Variants in TENM3 observed in about 807,000 individuals in gnomAD.
TENM3 encodes teneurin-3.
In TENM3, 63 loss-of-function variants were observed where a neutral mutation model predicts 255.1. The ratio of observed to expected loss-of-function variants is 0.25; its 90% CI spans 0.20 to 0.30. TENM3 has a LOEUF of 0.30. TENM3 is among the 10% of genes least tolerant of loss of function. The pLI is 1.00. For missense variants in TENM3, 2,929 were observed against 3,461.1 expected (o/e 0.85, Z 3.86); for synonymous variants, 1,306 against 1,322.3 (o/e 0.99, Z 0.27).
chr4:181,564,155 C>T, the TENM3 span, among the ~76,000 whole-genome samples: 5 of 151,232 alleles, frequency 3.3e-5, no homozygotes, highest in Admixed American at 2.6e-4. Flanking sequence ...ATTCTCCTGC[C>T]TCAGTCTCCC....
At chr4:181,853,347 TA>T in the TENM3 span, among the ~76,000 whole-genome samples, 4 of 152,222 alleles carry the variant, frequency 2.6e-5, no homozygotes, top group Non-Finnish European at 5.9e-5. Flanking sequence ...GTTAAACTTT[TA>T]CGTTGCCAAA....
chr4:182,345,826 CATTT>C (rs1181809563), intron 2 of TENM3, among the ~76,000 whole-genome samples: 1 of 152,090 alleles, frequency 6.6e-6, no homozygotes, highest in East Asian at 1.9e-4. Flanking sequence ...AGTTCACAGC[CATTT>C]ATTTTTCAGG....
the TENM3 span, among the ~76,000 whole-genome samples, chr4:181,497,418 A>T: frequency 6.6e-6 from 1 of 151,852 alleles, no homozygotes; most frequent in African/African-American, 2.4e-5. Context: ...TTTTTGTTCC[A>T]GTGGTAATTG....
At chr4:182,345,376 T>C (rs1378543839) in intron 2 of TENM3, among the ~76,000 whole-genome samples, 1 of 152,224 alleles carries the variant, frequency 6.6e-6, no homozygotes, top group Admixed American at 6.5e-5. Flanking sequence ...ATAATGTATG[T>C]TTCTCATATC....
chr4:182,542,410 T>C (rs1463759494), intron 3 of TENM3, among the ~76,000 whole-genome samples: 1 of 152,162 alleles, frequency 6.6e-6, no homozygotes, highest in Non-Finnish European at 1.5e-5. Context: ...ACAGGTAATG[T>C]AAATTCAATG....
At chr4:181,787,852 C>A in the TENM3 span, among the ~76,000 whole-genome samples, 7 of 152,168 alleles carry the variant, frequency 4.6e-5, no homozygotes, top group African/African-American at 1.4e-4. Context: ...TGTGTAAAAC[C>A]TAGCCAAGCG....
At chr4:181,732,651 CAGTT>C in the TENM3 span, among the ~76,000 whole-genome samples, 2 of 151,936 alleles carry the variant, frequency 1.3e-5, no homozygotes, top group African/African-American at 4.8e-5. Flanking sequence ...GTTAATATGT[CAGTT>C]AGTTCCAATT....
intron 3 of TENM3, among the ~76,000 whole-genome samples, chr4:182,525,961 C>T (rs17073534): frequency 0.013 from 1,930 of 152,086 alleles, 37 homozygotes; most frequent in African/African-American, 0.045. Context: ...ATTGCATTAG[C>T]CTCTTTCTTT....
At chr4:182,372,662 AT>A (rs940970722) in intron 3 of TENM3, among the ~76,000 whole-genome samples, 15 of 152,164 alleles carry the variant, frequency 9.9e-5, no homozygotes, top group African/African-American at 3.4e-4. Context: ...CAAAAAAAAA[AT>A]AATCCATCCA....
intron 24 of TENM3, among the ~76,000 whole-genome samples, chr4:182,777,711 C>G (rs947210441): frequency 6.7e-6 from 1 of 150,206 alleles, no homozygotes; most frequent in African/African-American, 2.4e-5. Context: ...ACACACGCCA[C>G]CATGCCCGGC....
At chr4:181,803,524 T>C in the TENM3 span, among the ~76,000 whole-genome samples, 27 of 152,174 alleles carry the variant, frequency 1.8e-4, no homozygotes, top group African/African-American at 6.5e-4. Flanking sequence ...CAACATACTA[T>C]TGTTGATGAG....
At chr4:181,667,763 A>G in the TENM3 span, among the ~76,000 whole-genome samples, 20,157 of 152,146 alleles carry the variant, frequency 0.13, 1,969 homozygotes, top group African/African-American at 0.28. Context: ...GTACTTTGTT[A>G]TAGCCTCACA....
At chr4:182,768,512 T>C (rs1434777889) in intron 22 of TENM3, among the ~76,000 whole-genome samples, 1 of 152,082 alleles carries the variant, frequency 6.6e-6, no homozygotes, top group African/African-American at 2.4e-5. Context: ...AAGAGGCAGA[T>C]AGACCCATTT....
At chr4:182,147,891 G>A (rs1474482537) in intron 1 of TENM3, among the ~76,000 whole-genome samples, 4 of 151,986 alleles carry the variant, frequency 2.6e-5, no homozygotes, top group South Asian at 2.1e-4. Context: ...ACAATATTAC[G>A]TTATTTAAAA....
the TENM3 span, among the ~76,000 whole-genome samples, chr4:181,686,595 G>T: frequency 6.6e-6 from 1 of 152,034 alleles, no homozygotes; most frequent in Non-Finnish European, 1.5e-5. Flanking sequence ...CGTGGCTCCT[G>T]GTCTTCAAAG....
chr4:182,160,033 C>G (rs796426843), intron 1 of TENM3, among the ~76,000 whole-genome samples: 8 of 138,830 alleles, frequency 5.8e-5, no homozygotes, highest in South Asian at 2.2e-4. Context: ...GACGGAGTCT[C>G]GCTCTGTCGC....
At chr4:181,803,392 A>G in the TENM3 span, among the ~76,000 whole-genome samples, 1 of 152,230 alleles carries the variant, frequency 6.6e-6, no homozygotes, top group Non-Finnish European at 1.5e-5. Context: ...TATTAGATGC[A>G]TATCTACCCA....
Position 182,679,779 on chromosome 4 carries a change from C to T in TENM3, c.1440C>T (p.Ala480=), listed in dbSNP as rs760373925. 20 of 1,613,764 alleles carry T rather than the reference C, an allele frequency of 1.2e-5. No homozygotes were observed. The highest frequency in any genetic ancestry group is 6.7e-5 in the Admixed American group (4 of 60,002). The change falls in exon 8 of 28, where the codon GCC becomes GCT. Residue 480 remains alanine, a synonymous_variant. Coordinates refer to ENST00000511685, the MANE Select transcript of TENM3 (RefSeq NM_001080477.4). The part of the protein sequence containing the change: ...RQARSVSLHE[A]GFIQYLDSGI... ...CGAGATCCGTCAGCCTTCATGAGGC[C>T]GGCTTTATCCAGTACTTGGATTCTG...
intron 15 of TENM3, 147 bp downstream of exon 15, chr4:182,730,466 A>G: frequency 1.2e-6 from 1 of 832,838 alleles, no homozygotes; most frequent in East Asian, 2.7e-5. Flanking sequence ...TACATATGGC[A>G]GAGATTTAAA....
Sources: gnomAD v4.1 joint callset for allele counts (sites outside exome capture counted in the v4.1 genomes callset) on GRCh38, gnomAD v4.1.1 for gene constraint, MANE v1.5 for transcripts, NCBI Gene and HGNC (gene_info 2026-07-23, HGNC 2026-07-21) for gene names.